The following RASGRF2 variants were observed in gnomAD, a reference collection of about 807,000 sequenced individuals.
RASGRF2 encodes the protein ras-specific guanine nucleotide-releasing factor 2.
In RASGRF2, 76 loss-of-function variants were observed where a neutral mutation model predicts 151.0. The observed-to-expected ratio is 0.50, with a 90% CI of 0.42 to 0.61. The LOEUF (loss-of-function observed/expected upper bound fraction) is 0.61. Ranked by LOEUF, RASGRF2 falls within the 20% of genes least tolerant of loss-of-function variation. RASGRF2 has a pLI of 0.00. For synonymous variants in RASGRF2, 504 were observed against 566.5 expected (o/e 0.89, Z 1.57); for missense variants, 1,148 against 1,564.6 (o/e 0.73, Z 4.49).
chr5:80,978,264 C>A (rs1040225164), intron 1 of RASGRF2, among the ~76,000 whole-genome samples: 1 of 152,006 alleles, frequency 6.6e-6, no homozygotes, highest in African/African-American at 2.4e-5. Flanking sequence ...ACTCTTTTTT[C>A]TTCCTTTTAG....
chr5:81,223,710 A>ATG (rs1755912232), intron 26 of RASGRF2, among the ~76,000 whole-genome samples: 1 of 152,030 alleles, frequency 6.6e-6, no homozygotes, highest in Non-Finnish European at 1.5e-5. Flanking sequence ...AAGAAAGTCC[A>ATG]TGTGTGTGTT....
At chr5:81,191,454 G>A (rs1755151876) in intron 18 of RASGRF2, among the ~76,000 whole-genome samples, 1 of 152,080 alleles carries the variant, frequency 6.6e-6, no homozygotes, top group African/African-American at 2.4e-5. Flanking sequence ...AAAAAGAAAA[G>A]TATAACTAAT....
intron 1 of RASGRF2, among the ~76,000 whole-genome samples, chr5:81,003,358 G>C (rs1229757086): frequency 6.6e-6 from 1 of 152,028 alleles, no homozygotes. Context: ...GAGTAGCTGG[G>C]ACTACAGGTG....
intron 5 of RASGRF2, 131 bp downstream of exon 5, chr5:81,073,583 C>A: frequency 3.2e-6 from 3 of 923,848 alleles, no homozygotes; most frequent in Non-Finnish European, 4.5e-6. Context: ...AATAAGAAAG[C>A]TATTACTTGT....
chr5:81,008,235 C>T (rs1163835140), intron 1 of RASGRF2, among the ~76,000 whole-genome samples: 2 of 146,922 alleles, frequency 1.4e-5, no homozygotes, highest in Non-Finnish European at 3.0e-5. Context: ...ACTGCAACCT[C>T]CTCCTCCCGG....
intron 17 of RASGRF2, among the ~76,000 whole-genome samples, chr5:81,163,836 G>A (rs919452285): frequency 3.9e-5 from 6 of 152,146 alleles, no homozygotes; most frequent in African/African-American, 1.4e-4. Flanking sequence ...TAGAAACCAC[G>A]ACTGATGTGG....
intron 1 of RASGRF2, among the ~76,000 whole-genome samples, chr5:81,027,694 G>A (rs1750085000): frequency 2.0e-5 from 3 of 152,164 alleles, no homozygotes. Context: ...CATAAAAATA[G>A]GAGAAAAATG....
chr5:80,973,489 T>A (rs1294886128), intron 1 of RASGRF2, among the ~76,000 whole-genome samples: 3 of 152,216 alleles, frequency 2.0e-5, no homozygotes, highest in Non-Finnish European at 4.4e-5. Flanking sequence ...CCTAGATGTT[T>A]TGTCTGGAAG....
In RASGRF2 at chr5:81,087,518, G is replaced by C. The variant is rs1752273360; in HGVS notation, c.1390+565G>C. 5 of 600,462 alleles carry C rather than the reference G, an allele frequency of 8.3e-6. No individual in the cohort carries two copies. The South Asian group carries it at 9.9e-5, about 12-fold the overall frequency. 37.2% of individuals were successfully genotyped at this position (600,462 alleles called of 1,614,324 possible). A position where few individuals can be genotyped will look rare whatever the true frequency, so the allele number is the denominator to read the frequency against. On this transcript the variant is annotated intron_variant, in intron 9 of 26. Transcript: ENST00000265080. ...GTAATGCAGAAGCTGTCGTGTTTGC[G>C]AAGTGTGCTTTGGGGGCATCACTCG...
intron 18 of RASGRF2, among the ~76,000 whole-genome samples, chr5:81,184,874 A>C (rs947464629): frequency 1.3e-5 from 2 of 152,240 alleles, no homozygotes; most frequent in Non-Finnish European, 2.9e-5. Flanking sequence ...TCTGACCTCA[A>C]GGGGCTTCCA....
At chr5:81,034,462 G>T (rs1226565044) in intron 1 of RASGRF2, among the ~76,000 whole-genome samples, 1 of 151,924 alleles carries the variant, frequency 6.6e-6, no homozygotes, top group African/African-American at 2.4e-5. Flanking sequence ...TATACCCAAA[G>T]GACTATAAAT....
At chr5:80,989,600 G>C (rs539862058) in intron 1 of RASGRF2, among the ~76,000 whole-genome samples, 3 of 152,300 alleles carry the variant, frequency 2.0e-5, no homozygotes, top group African/African-American at 7.2e-5. Context: ...CTACTGTAGA[G>C]TGAAAAAATG....
intron 2 of RASGRF2, among the ~76,000 whole-genome samples, chr5:81,053,041 A>G (rs1201347987): frequency 1.3e-5 from 2 of 152,198 alleles, no homozygotes; most frequent in African/African-American, 2.4e-5. Context: ...TTAAACAAAT[A>G]TTAAGAAAGT....
chr5:81,171,050 G>A (rs1456399574), intron 17 of RASGRF2, among the ~76,000 whole-genome samples: 2 of 152,014 alleles, frequency 1.3e-5, no homozygotes, highest in Non-Finnish European at 2.9e-5. Flanking sequence ...ATTAAAAATT[G>A]AGGAGAAGAA....
chr5:81,081,885 G>A (rs1752097456), intron 7 of RASGRF2, among the ~76,000 whole-genome samples: 1 of 152,084 alleles, frequency 6.6e-6, no homozygotes, highest in Non-Finnish European at 1.5e-5. Context: ...GTTTTCCTTT[G>A]GAACTGAATT....
chr5:81,162,418 G>A lies in RASGRF2; in HGVS notation c.2687-17757G>A, dbSNP rs186841238. On this transcript the variant is annotated intron_variant, in intron 17 of 26. Coordinates refer to ENST00000265080, the MANE Select transcript of RASGRF2 (RefSeq NM_006909.3). ...GCTAGAGTGCAATGGTACGATCTTG[G>A]CTCATTGCAACCTCCGCCTCCCAGG... 7.2e-3 allele frequency among the ~76,000 whole-genome samples: 1,091 copies of A among 152,222 alleles called. 4 individuals carry two copies. Among genetic ancestry groups the A allele is most frequent in the Non-Finnish European group, 0.012 (805 of 68,008 alleles).
At chr5:81,123,375 G>A (rs995429243) in intron 15 of RASGRF2, among the ~76,000 whole-genome samples, 3 of 152,148 alleles carry the variant, frequency 2.0e-5, no homozygotes, top group Non-Finnish European at 4.4e-5. Context: ...ACATACCCCC[G>A]TTTACTTTAA....
rs1265887724 is a variant in RASGRF2 at position 81,068,133 on chromosome 5, A to G, written c.497A>G (p.His166Arg). ...TEKIAANQLR[H>R]QLEDQDTEIE... ...AAAATTGCAGCTAACCAACTCCGAC[A>G]TCAACTTGAAGATCAAGACACAGAA... The change falls in exon 3 of 27, where the codon CAT (histidine) becomes CGT (arginine). Residue 166 changes from histidine (H) to arginine (R), a missense_variant. His to Arg is a conservative substitution (Grantham distance 29). Around this residue, in one of 5 missense-constraint regions of RASGRF2, gnomAD observed 221 missense variants for 271.3 expected, o/e 0.81. Transcript: ENST00000265080. 6.2e-7 allele frequency: 1 copy of G among 1,613,336 alleles called. No homozygotes were observed. The highest frequency in any genetic ancestry group is 1.3e-5 in the African/African-American group (1 of 74,938).
At chr5:80,961,808 AC>A (rs1224921860) in intron 1 of RASGRF2, among the ~76,000 whole-genome samples, 1 of 151,846 alleles carries the variant, frequency 6.6e-6, no homozygotes, top group East Asian at 1.9e-4. Context: ...GGGGAGAAAA[AC>A]CCTTTAAGTC....
Sources: allele counts gnomAD v4.1 joint callset (sites outside exome capture counted in the v4.1 genomes callset), GRCh38; gene constraint gnomAD v4.1.1; regional missense constraint gnomAD v4.1.1; transcripts MANE v1.5; gene names NCBI Gene and HGNC (gene_info 2026-07-23, HGNC 2026-07-21).